Variants in SLC27A1 observed in about 807,000 individuals in gnomAD.
SLC27A1 encodes solute carrier family 27 member 1.
SLC27A1 carries 61 observed loss-of-function variants against 62.2 expected under a neutral mutation model. That is an observed-to-expected ratio of 0.98 (90% CI 0.80 to 1.21). The LOEUF is 1.21. Ranked by LOEUF, SLC27A1 falls within the 50% of genes most tolerant of loss-of-function variation. The pLI is 0.00. For synonymous variants in SLC27A1, 435 were observed against 408.6 expected, an observed-to-expected ratio of 1.06 and a Z score of -0.78; for missense variants, 903 against 932.1, an observed-to-expected ratio of 0.97 and a Z score of 0.41.
intron 7 of SLC27A1, chr19:17,498,027 C>T (rs1420185615): frequency 6.1e-6 from 1 of 163,766 alleles, no homozygotes; most frequent in Non-Finnish European, 1.3e-5. Context: ...CTCTCCTTTC[C>T]CAAGCCCCTC....
intron 6 of SLC27A1, 85 bp downstream of exon 6, chr19:17,489,202 T>G (rs1359465044): frequency 5.3e-6 from 6 of 1,137,062 alleles, no homozygotes; most frequent in Non-Finnish European, 6.4e-6. Context: ...CTCCTCCCGG[T>G]GAGGCCCCGT....
Position 17,472,389 on chromosome 19 carries a change from C to T in SLC27A1, c.167+1682C>T, listed in dbSNP as rs377179488. On this transcript the variant is annotated intron_variant, in intron 1 of 11. Transcript: ENST00000252595. ...CAGCTTGGGCGACAGAGTGAGACTC[C>T]GTCTCAAAAAAAAAAAAAAAAATAG... Among the ~76,000 whole-genome samples, 445 of 144,934 alleles carry T rather than the reference C, an allele frequency of 3.1e-3. 2 individuals are homozygous for T. Among genetic ancestry groups the T allele is most frequent in the African/African-American group, 0.011 (432 of 39,356 alleles).
chr19:17,496,706 C>A (rs2075353268), intron 6 of SLC27A1: 1 of 154,146 alleles, frequency 6.5e-6, no homozygotes, highest in African/African-American at 2.4e-5. Context: ...CGAGGGACCA[C>A]GAAGGGGTGC....
rs534488717 is a variant in SLC27A1 at position 17,501,555 on chromosome 19, G to A, written c.1783+136G>A. 26 of 1,246,948 alleles carry A rather than the reference G, an allele frequency of 2.1e-5. No individual in the cohort carries two copies. The African/African-American group carries it at 3.8e-4, about 18-fold the overall frequency. The allele number at this position is 1,246,948 out of a possible 1,614,324, so 77.2% of individuals were successfully genotyped here. On this transcript the variant is annotated intron_variant, in intron 11 of 11. Transcript: ENST00000252595. ...ACGGTGGCTCACGCCTGTAATCCCAGCACTTTGGGAGGCCGAGGCGGGCGG... is the reference window on the plus strand; with the variant it reads ...ACGGTGGCTCACGCCTGTAATCCCAACACTTTGGGAGGCCGAGGCGGGCGG...
At chr19:17,472,674 G>A (rs1034299186) in intron 1 of SLC27A1, among the ~76,000 whole-genome samples, 3 of 151,636 alleles carry the variant, frequency 2.0e-5, no homozygotes, top group Non-Finnish European at 2.9e-5. Flanking sequence ...CTACAGGCAC[G>A]TGCCACCATG....
chr19:17,482,743 C>T lies in SLC27A1; in HGVS notation c.168-3820C>T, dbSNP rs531924695. ...AGGGTCTTGGCTAGTGTGGGCTTTG[C>T]ACTCAGTAGGTGCTCACCATTTCAA... On this transcript the variant is annotated intron_variant, in intron 1 of 11. Coordinates refer to ENST00000252595, the MANE Select transcript of SLC27A1 (RefSeq NM_198580.3). 2.3e-4 allele frequency among the ~76,000 whole-genome samples: 35 copies of T among 150,908 alleles called. No individual in the cohort carries two copies. In the South Asian group the frequency reaches 7.3e-3, roughly 32 times the overall value.
chr19:17,489,400 A>T (rs1352111542), intron 6 of SLC27A1, among the ~76,000 whole-genome samples: 1 of 152,168 alleles, frequency 6.6e-6, no homozygotes, highest in Admixed American at 6.5e-5. Context: ...GCTGTTCAGG[A>T]TGGGGACAGA....
At chr19:17,494,607 G>A (rs570690945) in intron 6 of SLC27A1, among the ~76,000 whole-genome samples, 5 of 152,164 alleles carry the variant, frequency 3.3e-5, no homozygotes, top group African/African-American at 9.6e-5. Flanking sequence ...GATTACAGGC[G>A]TGAGCTACCG....
chr19:17,488,085 G>A (rs1337188463), intron 4 of SLC27A1, among the ~76,000 whole-genome samples: 7 of 152,222 alleles, frequency 4.6e-5, no homozygotes, highest in South Asian at 2.1e-4. Context: ...CGGGCTAGGC[G>A]TGGTGGCTTA....
chr19:17,490,919 C>T (rs1322888170), intron 6 of SLC27A1, among the ~76,000 whole-genome samples: 1 of 150,906 alleles, frequency 6.6e-6, no homozygotes, highest in Non-Finnish European at 1.5e-5. Context: ...ATCCCAGCTA[C>T]TCGGGAGACT....
chr19:17,487,203 A>C lies in SLC27A1; in HGVS notation c.592A>C (p.Lys198Gln), dbSNP rs746869037. ...GGCCGAAGTGAGCGGGCATCTGGGG[A>C]AAAGTTTGATCAAGTTCTGCTCTGG... The part of the protein sequence containing the change: ...AVAEVSGHLG[K>Q]SLIKFCSGDL... Residue 198 changes from lysine to glutamine, a missense_variant, in exon 3 of 12, where the codon AAA (lysine) becomes CAA (glutamine). By Grantham distance (53) the Lys-to-Gln change is moderately conservative (BLOSUM62 1). Coordinates refer to ENST00000252595, the MANE Select transcript of SLC27A1 (RefSeq NM_198580.3). 1.2e-6 allele frequency: 2 copies of C among 1,614,016 alleles called. No homozygotes were observed. Among genetic ancestry groups the C allele is most frequent in the South Asian group, 2.2e-5 (2 of 91,078 alleles).
chr19:17,468,873 C>T (rs1293509428), upstream of SLC27A1: 1 of 152,914 alleles, frequency 6.5e-6, no homozygotes, highest in Non-Finnish European at 1.5e-5. Flanking sequence ...AAGCAGAAGC[C>T]CGCACAGTAG....
chr19:17,475,621 C>T (rs4808650), intron 1 of SLC27A1, among the ~76,000 whole-genome samples: 3 of 152,054 alleles, frequency 2.0e-5, no homozygotes, highest in African/African-American at 7.2e-5. Flanking sequence ...CAGAAACACA[C>T]AGCCGGGGAG....
At chr19:17,476,237 G>A (rs2075120682) in intron 1 of SLC27A1, among the ~76,000 whole-genome samples, 1 of 152,042 alleles carries the variant, frequency 6.6e-6, no homozygotes, top group African/African-American at 2.4e-5. Flanking sequence ...AGAATTGGGT[G>A]TATACTAGGT....
intron 6 of SLC27A1, among the ~76,000 whole-genome samples, chr19:17,492,685 C>A (rs180748190): frequency 1.3e-3 from 200 of 150,966 alleles, no homozygotes; most frequent in Middle Eastern, 0.01. Flanking sequence ...CGCCTGTAAT[C>A]CCAGCACTTT....
chr19:17,503,137 C>T (rs916249825), intron 11 of SLC27A1, among the ~76,000 whole-genome samples: 4 of 152,132 alleles, frequency 2.6e-5, no homozygotes, highest in South Asian at 2.1e-4. Flanking sequence ...GAGAACAGCA[C>T]GGGAAAGACC....
At chr19:17,488,534 A>G (rs1407696516) in intron 4 of SLC27A1, among the ~76,000 whole-genome samples, 1 of 150,626 alleles carries the variant, frequency 6.6e-6, no homozygotes, top group Non-Finnish European at 1.5e-5. Context: ...GTGCCTGGGC[A>G]CTCTTCCATA....
chr19:17,469,731 G>T (rs544406587), upstream of SLC27A1, among the ~76,000 whole-genome samples: 5 of 151,834 alleles, frequency 3.3e-5, no homozygotes, highest in South Asian at 2.1e-4. Context: ...TAGGTCCTAG[G>T]GGGGCCGGAG....
rs751309673 is a variant in SLC27A1, at chr19:17,488,952, G to A, written c.886+13G>A. Reference sequence around the variant, plus strand: ...TACCACTCGGCAGGTACTACGGCCTGGGTAGGGAATGGTGGGTGGGGGCGG... The same window carrying A: ...TACCACTCGGCAGGTACTACGGCCTAGGTAGGGAATGGTGGGTGGGGGCGG... On this transcript the variant is annotated intron_variant, in intron 5 of 11. Transcript: ENST00000252595. 1 of 1,614,130 alleles carries A rather than the reference G, an allele frequency of 6.2e-7. No homozygotes were observed. Among genetic ancestry groups the A allele is most frequent in the South Asian group, 1.1e-5 (1 of 91,078 alleles).
Sources: gnomAD v4.1 joint callset for allele counts (sites outside exome capture counted in the v4.1 genomes callset) on GRCh38, gnomAD v4.1.1 for gene constraint, MANE v1.5 for transcripts, NCBI Gene and HGNC (gene_info 2026-07-23, HGNC 2026-07-21) for gene names.